Variants in STRN3 observed in about 807,000 individuals in gnomAD.
STRN3 encodes the protein striatin-3.
STRN3 carries 29 observed loss-of-function variants against 95.6 expected under a neutral mutation model. The ratio of observed to expected loss-of-function variants is 0.30; its 90% CI spans 0.23 to 0.41. The LOEUF (loss-of-function observed/expected upper bound fraction) is 0.41, where lower values mean the gene tolerates loss of function less well. Among genes scored for constraint, STRN3 ranks in the 10% least tolerant of loss-of-function variants. The pLI, the probability that STRN3 is intolerant of heterozygous loss-of-function variation, is 1.00. For missense variants in STRN3, 890 were observed against 972.1 expected (o/e 0.92, Z 1.12); for synonymous variants, 331 against 357.6 (o/e 0.93, Z 0.84).
intron 7 of STRN3, among the ~76,000 whole-genome samples, chr14:30,930,013 A>AT (rs1026918510): frequency 2.8e-4 from 39 of 141,786 alleles, no homozygotes; most frequent in African/African-American, 5.7e-4. Context: ...TTTAGAATTG[A>AT]TTTTTTTTCA....
chr14:30,935,384 T>C (rs1438815726), intron 6 of STRN3, 80 bp from the exon 7 acceptor site: 2 of 1,442,550 alleles, frequency 1.4e-6, no homozygotes, highest in Non-Finnish European at 1.9e-6. Context: ...ATAACTACAT[T>C]TACACACCCA....
chr14:30,903,455 G>A (rs1566426212), intron 15 of STRN3, among the ~76,000 whole-genome samples: 1 of 152,136 alleles, frequency 6.6e-6, no homozygotes, highest in Non-Finnish European at 1.5e-5. Context: ...AGGCTGGAGT[G>A]CAATGGTGCA....
At chr14:30,929,973 A>AAAAAAAAAAAAC (rs1878443131) in intron 7 of STRN3, among the ~76,000 whole-genome samples, 1 of 149,816 alleles carries the variant, frequency 6.7e-6, no homozygotes, top group African/African-American at 2.4e-5. Flanking sequence ...AAAAAAAAAA[A>AAAAAAAAAAAAC]AAAAAACTCA....
intron 5 of STRN3, among the ~76,000 whole-genome samples, chr14:30,940,569 T>A (rs999410874): frequency 2.6e-5 from 4 of 152,210 alleles, no homozygotes; most frequent in Non-Finnish European, 4.4e-5. Context: ...AATTTTTCTA[T>A]CTGGAAGATT....
At chr14:30,938,122 T>C (rs1367764543) in intron 5 of STRN3, among the ~76,000 whole-genome samples, 1 of 152,128 alleles carries the variant, frequency 6.6e-6, no homozygotes, top group Non-Finnish European at 1.5e-5. Context: ...ATGTGGTATT[T>C]TCAATCCATA....
At chr14:30,984,959 T>C (rs550360260) in intron 1 of STRN3, among the ~76,000 whole-genome samples, 1 of 152,316 alleles carries the variant, frequency 6.6e-6, no homozygotes, top group Admixed American at 6.5e-5. Context: ...TTTCTTTTTA[T>C]GAAGTATCCT....
At chr14:30,995,044 T>A (rs1285476364) in intron 1 of STRN3, among the ~76,000 whole-genome samples, 1 of 152,232 alleles carries the variant, frequency 6.6e-6, no homozygotes, top group Non-Finnish European at 1.5e-5. Flanking sequence ...AATGTTTAAG[T>A]GCCAGAGCAC....
chr14:30,925,310 TTTAAC>T (rs1043360278), intron 8 of STRN3, among the ~76,000 whole-genome samples: 3 of 152,074 alleles, frequency 2.0e-5, no homozygotes, highest in East Asian at 1.9e-4. Flanking sequence ...ACTTAGCACT[TTTAAC>T]TTAGCATTTA....
At chr14:30,967,093 A>G (rs999969773) in intron 1 of STRN3, among the ~76,000 whole-genome samples, 3 of 152,064 alleles carry the variant, frequency 2.0e-5, no homozygotes, top group East Asian at 2.0e-4. Context: ...TAAGGGGTTG[A>G]GCCTTCCGCT....
intron 9 of STRN3, among the ~76,000 whole-genome samples, chr14:30,914,297 C>G (rs1362991609): frequency 6.6e-6 from 1 of 152,160 alleles, no homozygotes; most frequent in Non-Finnish European, 1.5e-5. Context: ...CCAACAATGT[C>G]AGTTTCCTTT....
rs74040940 is a variant in STRN3 at position 30,909,946 on chromosome 14, A to T, written c.1720+1095T>A. Among the ~76,000 whole-genome samples, 788 of 152,274 alleles carry T rather than the reference A, an allele frequency of 5.2e-3. 3 individuals carry two copies. The highest frequency in any genetic ancestry group is 0.018 in the African/African-American group (731 of 41,556). ...CACTCCCTCAGCGTATCTTAAAACC[A>T]CTTCTAAATGCTGTGCTACCACCAC... On this transcript the variant is annotated intron_variant, in intron 13 of 17. Coordinates refer to ENST00000357479, the MANE Select transcript of STRN3 (RefSeq NM_001083893.2).
chr14:31,017,799 G>A (rs937454719), intron 1 of STRN3, among the ~76,000 whole-genome samples: 2 of 152,116 alleles, frequency 1.3e-5, no homozygotes, highest in Non-Finnish European at 2.9e-5. Flanking sequence ...TATTTAGGCT[G>A]CGCACGGTGG....
intron 1 of STRN3, among the ~76,000 whole-genome samples, chr14:31,008,058 G>A (rs2139311219): frequency 6.6e-6 from 1 of 152,186 alleles, no homozygotes; most frequent in East Asian, 1.9e-4. Flanking sequence ...AGGCATGATG[G>A]CGGGTGCCTA....
chr14:30,904,961 T>TAA (rs374512182), intron 15 of STRN3, among the ~76,000 whole-genome samples: 18 of 126,060 alleles, frequency 1.4e-4, no homozygotes, highest in Non-Finnish European at 2.4e-4. Flanking sequence ...TTTCGTCAAT[T>TAA]AAAAAAAAAA....
chr14:30,948,813 T>C (rs1192448175), intron 4 of STRN3, among the ~76,000 whole-genome samples: 1 of 152,240 alleles, frequency 6.6e-6, no homozygotes, highest in Non-Finnish European at 1.5e-5. Context: ...AGAGGAATAC[T>C]GTCCAAGTGA....
intron 3 of STRN3, among the ~76,000 whole-genome samples, chr14:30,952,934 TTTC>T (rs1331766106): frequency 2.6e-5 from 4 of 152,196 alleles, no homozygotes; most frequent in Non-Finnish European, 5.9e-5. Context: ...GTGTTTATCA[TTTC>T]TTATTTTCTA....
chr14:30,945,536 G>C (rs1879319381), intron 5 of STRN3, among the ~76,000 whole-genome samples: 1 of 152,054 alleles, frequency 6.6e-6, no homozygotes, highest in Non-Finnish European at 1.5e-5. Context: ...GCCTAGGGAG[G>C]TCAAGGCTTC....
intron 4 of STRN3, among the ~76,000 whole-genome samples, chr14:30,948,549 A>G (rs1392250757): frequency 1.3e-5 from 2 of 152,324 alleles, no homozygotes; most frequent in East Asian, 3.9e-4. Flanking sequence ...AAGCAAAAAT[A>G]AAAGTTTCAA....
intron 9 of STRN3, among the ~76,000 whole-genome samples, chr14:30,917,773 A>G (rs1896778245): frequency 6.6e-6 from 1 of 152,194 alleles, no homozygotes; most frequent in Non-Finnish European, 1.5e-5. Flanking sequence ...AAAATTATTT[A>G]ACTGTAAGGA....
Sources: gnomAD v4.1 joint callset for allele counts (sites outside exome capture counted in the v4.1 genomes callset) on GRCh38, gnomAD v4.1.1 for gene constraint, MANE v1.5 for transcripts, NCBI Gene and HGNC (gene_info 2026-07-23, HGNC 2026-07-21) for gene names.